SHOC2: variants seen among roughly 807,000 people sequenced by gnomAD.
SHOC2 encodes the protein SHOC2 leucine rich repeat scaffold protein, also known as leucine-rich repeat protein SHOC-2.
In SHOC2, 4 loss-of-function variants were observed where a neutral mutation model predicts 50.2. The observed-to-expected ratio is 0.08, with a 90% CI of 0.04 to 0.18. The LOEUF (loss-of-function observed/expected upper bound fraction) is 0.18, where lower values mean the gene tolerates loss of function less well. Ranked by LOEUF, SHOC2 falls within the 10% of genes least tolerant of loss-of-function variation. SHOC2 has a pLI of 1.00. For missense variants in SHOC2, 388 were observed against 669.6 expected, an observed-to-expected ratio of 0.58 and a Z score of 4.64; for synonymous variants, 218 against 244.5, an observed-to-expected ratio of 0.89 and a Z score of 1.01.
chr10:110,999,376 G>A (rs1175295467), intron 3 of SHOC2, among the ~76,000 whole-genome samples: 1 of 152,062 alleles, frequency 6.6e-6, no homozygotes, highest in Non-Finnish European at 1.5e-5. Context: ...ATATATGATA[G>A]CAGATGTCAT....
Position 110,964,182 on chromosome 10 carries a change from A to G in SHOC2, c.-177A>G. ...ATTTTACCAGTTGGAATGAATGATCAGAAATGGGCATAGTGCTTTTAGATC... is the reference window on the plus strand; with the variant it reads ...ATTTTACCAGTTGGAATGAATGATCGGAAATGGGCATAGTGCTTTTAGATC... On this transcript the variant is annotated 5_prime_UTR_variant, in exon 2 of 9. Transcript: ENST00000369452. The surrounding 1 kb of genome is among the most constrained non-coding windows in gnomAD (Gnocchi z 4.9). The G allele has an allele frequency of 8.2e-6, 7 of 854,428 alleles. No individual in the cohort carries two copies. The highest frequency in any genetic ancestry group is 1.2e-5 in the Non-Finnish European group (7 of 568,902). The allele number at this position is 854,428 out of a possible 1,614,324, so 52.9% of individuals were successfully genotyped here. A position where few individuals can be genotyped will look rare whatever the true frequency, so the allele number is the denominator to read the frequency against.
intron 2 of SHOC2, among the ~76,000 whole-genome samples, chr10:110,976,824 C>A (rs1458870487): frequency 6.6e-6 from 1 of 152,020 alleles, no homozygotes; most frequent in Non-Finnish European, 1.5e-5. Context: ...AAATTTTGGC[C>A]ATTATTTCTT....
intron 1 of SHOC2, among the ~76,000 whole-genome samples, chr10:110,921,778 G>GT (rs909173016): frequency 5.3e-5 from 8 of 151,954 alleles, no homozygotes; most frequent in African/African-American, 9.7e-5. Flanking sequence ...TATTCATTCT[G>GT]TTTTTTTATA....
At chr10:110,977,904 G>T (rs1029961987) in intron 2 of SHOC2, among the ~76,000 whole-genome samples, 13 of 152,174 alleles carry the variant, frequency 8.5e-5, no homozygotes, top group African/African-American at 2.9e-4. Flanking sequence ...CCTAGCCTTT[G>T]GTAGTCTGTT....
chr10:110,992,515 T>G (rs750504308), intron 3 of SHOC2, among the ~76,000 whole-genome samples: 5 of 152,168 alleles, frequency 3.3e-5, no homozygotes, highest in Non-Finnish European at 5.9e-5. Flanking sequence ...CAGTCCGAAG[T>G]AGGAAAAAAT....
At chr10:110,947,034 A>G (rs1364952636) in intron 1 of SHOC2, among the ~76,000 whole-genome samples, 2 of 152,220 alleles carry the variant, frequency 1.3e-5, no homozygotes, top group African/African-American at 4.8e-5. Flanking sequence ...CGGGTGTAGC[A>G]TAGATACAAC....
chr10:110,922,227 A>G (rs542316362), intron 1 of SHOC2, among the ~76,000 whole-genome samples: 2 of 152,252 alleles, frequency 1.3e-5, no homozygotes, highest in Non-Finnish European at 2.9e-5. Flanking sequence ...CACATCAGAG[A>G]GACATAAACT....
At position 111,011,834 on chromosome 10, in the gene SHOC2, C is replaced by T; in HGVS notation, c.*16C>T. ...CATGGTCTGATATAAATCTGCTGGT[C>T]CCACACACTGTTCAAAAATAGACTG... On this transcript the variant is annotated 3_prime_UTR_variant, in exon 9 of 9. Coordinates refer to ENST00000369452, the MANE Select transcript of SHOC2 (RefSeq NM_007373.4). The T allele has an allele frequency of 1.9e-6, 3 of 1,587,160 alleles. No homozygotes were observed. The highest frequency in any genetic ancestry group is 2.6e-6 in the Non-Finnish European group (3 of 1,155,638).
chr10:110,966,726 C>T (rs1210980591), intron 2 of SHOC2, among the ~76,000 whole-genome samples: 6 of 152,058 alleles, frequency 3.9e-5, no homozygotes, highest in African/African-American at 1.4e-4. Context: ...ATATTTGTGG[C>T]TACCTAATCT....
In SHOC2 at chr10:111,011,891, A is replaced by G. The variant is rs542333379; in HGVS notation, c.*73A>G. The G allele has an allele frequency of 3.4e-6, 4 of 1,186,100 alleles. No homozygotes were observed. The highest frequency in any genetic ancestry group is 1.5e-5 in the African/African-American group (1 of 66,376). The allele number at this position is 1,186,100 out of a possible 1,614,324, so 73.5% of individuals were successfully genotyped here. Reference sequence around the variant, plus strand: ...ATGTTTCTTATCTATATCTGTATCTATTTATGTAGATATTGGTATATGGCA... The same window carrying G: ...ATGTTTCTTATCTATATCTGTATCTGTTTATGTAGATATTGGTATATGGCA... On this transcript the variant is annotated 3_prime_UTR_variant, in exon 9 of 9. Transcript: ENST00000369452.
rs141861711 is a variant in SHOC2 at position 110,976,396 on chromosome 10, C to T, written c.704-9232C>T. On this transcript the variant is annotated intron_variant, in intron 2 of 8. Coordinates refer to ENST00000369452, the MANE Select transcript of SHOC2 (RefSeq NM_007373.4). ...GTGTGATTATGGCTCACTGCAGCCT[C>T]GACCTCCTGGGCTCTAGTGATCCTT... is the stretch of plus-strand genomic sequence containing the variant. Among the ~76,000 whole-genome samples the T allele has an allele frequency of 5.5e-3, 837 of 151,742 alleles. 5 individuals carry two copies. Among genetic ancestry groups the T allele is most frequent in the Admixed American group, 0.017 (257 of 15,254 alleles).
chr10:110,981,738 A>G (rs1847979584), intron 2 of SHOC2, among the ~76,000 whole-genome samples: 1 of 152,144 alleles, frequency 6.6e-6, no homozygotes, highest in Non-Finnish European at 1.5e-5. Context: ...GGTAAATAAC[A>G]TTGATTGATT....
chr10:110,976,468 A>G (rs1847880668), intron 2 of SHOC2, among the ~76,000 whole-genome samples: 1 of 151,448 alleles, frequency 6.6e-6, no homozygotes, highest in African/African-American at 2.4e-5. Flanking sequence ...TGTGCACCAC[A>G]CCCAGCTAGT....
At chr10:110,956,849 T>G (rs1353319208) in intron 1 of SHOC2, among the ~76,000 whole-genome samples, 2 of 152,176 alleles carry the variant, frequency 1.3e-5, no homozygotes, top group African/African-American at 4.8e-5. Flanking sequence ...CCGTTTAATG[T>G]TCCTTTTAAT....
chr10:110,985,326 A>AT (rs1258296968), intron 2 of SHOC2, among the ~76,000 whole-genome samples: 1 of 152,138 alleles, frequency 6.6e-6, no homozygotes, highest in Non-Finnish European at 1.5e-5. Flanking sequence ...AAAAGTAATC[A>AT]TTCAGAAACA....
intron 3 of SHOC2, among the ~76,000 whole-genome samples, chr10:110,989,273 A>C (rs1590822703): frequency 6.6e-6 from 1 of 152,072 alleles, no homozygotes; most frequent in African/African-American, 2.4e-5. Context: ...TTTTCTTCTT[A>C]TTTTTGTTAA....
chr10:110,968,193 G>A (rs992247399), intron 2 of SHOC2, among the ~76,000 whole-genome samples: 1 of 152,008 alleles, frequency 6.6e-6, no homozygotes, highest in South Asian at 2.1e-4. Context: ...TTGTAGTTTT[G>A]TTTTGCAGTT....
At chr10:110,933,526 G>GC (rs1846935791) in intron 1 of SHOC2, among the ~76,000 whole-genome samples, 1 of 152,210 alleles carries the variant, frequency 6.6e-6, no homozygotes, top group African/African-American at 2.4e-5. Flanking sequence ...TATTACAGGA[G>GC]ACCAGGCAGG....
chr10:110,952,652 C>T (rs1433792505), intron 1 of SHOC2, among the ~76,000 whole-genome samples: 1 of 152,002 alleles, frequency 6.6e-6, no homozygotes, highest in Non-Finnish European at 1.5e-5. Flanking sequence ...ATCGATCAAC[C>T]TGTCGTCTAG....
Sources: allele counts gnomAD v4.1 joint callset (sites outside exome capture counted in the v4.1 genomes callset), GRCh38; gene constraint gnomAD v4.1.1; non-coding constraint Gnocchi (gnomAD v3.1); transcripts MANE v1.5; gene names NCBI Gene and HGNC (gene_info 2026-07-23, HGNC 2026-07-21).